CEP350: variants seen among roughly 807,000 people sequenced by gnomAD.
CEP350 encodes centrosomal protein 350.
In CEP350, 126 loss-of-function variants were observed where a neutral mutation model predicts 331.8. The observed-to-expected ratio is 0.38, with a 90% CI of 0.33 to 0.44. CEP350 has a LOEUF of 0.44. CEP350 is among the 20% of genes least tolerant of loss of function. The pLI is 1.00. For synonymous variants in CEP350, 1,200 were observed against 1,259.5 expected (o/e 0.95, Z 1.00); for missense variants, 3,406 against 3,634.6 (o/e 0.94, Z 1.62).
At chr1:180,021,161 G>A (rs1035887518) in intron 12 of CEP350, among the ~76,000 whole-genome samples, 152 bp downstream of exon 12, 1 of 152,054 alleles carries the variant, frequency 6.6e-6, no homozygotes, top group African/African-American at 2.4e-5. Context: ...TAAATTTCCT[G>A]CAAGCCTTAA....
chr1:179,992,751 T>C lies in CEP350; in HGVS notation c.395+530T>C, dbSNP rs528515502. Among the ~76,000 whole-genome samples, 3 of 152,330 alleles carry C rather than the reference T, an allele frequency of 2.0e-5. No homozygotes were observed. The South Asian group carries it at 6.2e-4, about 32-fold the overall frequency. ...GTATGAATTTTGATAGCATAGATGA[T>C]ATAAAATGCTTTGCATTTTTGTTAA... is the stretch of plus-strand genomic sequence containing the variant. On this transcript the variant is annotated intron_variant, in intron 5 of 37. Transcript: ENST00000367607.
Position 180,102,063 on chromosome 1 carries a change from C to G in CEP350, c.9189+3078C>G, listed in dbSNP as rs78049467. Among the ~76,000 whole-genome samples the G allele has an allele frequency of 1.6e-3, 249 of 152,032 alleles. 5 individuals carry two copies. The East Asian group carries it at 0.042, about 26-fold the overall frequency. ...TCTCATGGGAGGGCCTTAAGACCCA[C>G]AGTCAGAAAGGTAGGGGAACATTAG... On this transcript the variant is annotated intron_variant, in intron 37 of 37. Transcript: ENST00000367607.
chr1:180,106,428 C>T (rs1156804704), intron 37 of CEP350, among the ~76,000 whole-genome samples: 5 of 152,058 alleles, frequency 3.3e-5, no homozygotes, highest in South Asian at 2.1e-4. Context: ...ATGTTTGACC[C>T]GGGTCTTTTC....
Position 180,094,574 on chromosome 1 carries a change from T to C in CEP350, c.8469T>C (p.Asp2823=), listed in dbSNP as rs2149136803. Residue 2823 remains aspartate (D), a synonymous_variant, in exon 34 of 38, where the codon GAT becomes GAC. Transcript: ENST00000367607. ...SGCFLSSELE[D]EKEEISSPDM... ...GCTTCTTAAGTTCTGAATTGGAAGA[T>C]GAAAAAGAAGAGATTTCCTCTCCAG... The C allele has an allele frequency of 6.2e-7, 1 of 1,613,574 alleles. No individual in the cohort carries two copies. The highest frequency in any genetic ancestry group is 1.3e-5 in the African/African-American group (1 of 75,006).
chr1:179,955,702 C>T (rs1371494757), intron 1 of CEP350, among the ~76,000 whole-genome samples: 1 of 152,230 alleles, frequency 6.6e-6, no homozygotes, highest in East Asian at 1.9e-4. Flanking sequence ...TGCAGCTCAA[C>T]ATGCTAAGTA....
chr1:180,092,684 T>G lies in CEP350; in HGVS notation c.6579T>G (p.Asn2193Lys). ...TATCTGCATATGCAAAGAGAGTAAA[T>G]GAATGGGACAGTCGAACAGAAGATT... ...RSLSAYAKRV[N>K]EWDSRTEDFQ... Residue 2193 changes from asparagine (N) to lysine (K), a missense_variant, in exon 34 of 38, where the codon AAT becomes AAG. Coordinates refer to ENST00000367607, the MANE Select transcript of CEP350 (RefSeq NM_014810.5). The G allele has an allele frequency of 6.2e-7, 1 of 1,613,140 alleles. No individual in the cohort carries two copies. Among genetic ancestry groups the G allele is most frequent in the Non-Finnish European group, 8.5e-7 (1 of 1,179,520 alleles).
intron 8 of CEP350, 137 bp from the exon 9 acceptor site, chr1:180,011,790 TTA>T (rs1654676780): frequency 5.1e-6 from 3 of 592,798 alleles, no homozygotes; most frequent in Non-Finnish European, 8.6e-6. Context: ...AGGTTAGGGT[TTA>T]AAAATATCAT....
At chr1:179,997,233 A>AG (rs1382682852) in intron 6 of CEP350, 58 bp downstream of exon 6, 2 of 1,533,164 alleles carry the variant, frequency 1.3e-6, no homozygotes, top group African/African-American at 1.4e-5. Context: ...CTTTCTCCCT[A>AG]GGGTGTATTT....
intron 1 of CEP350, among the ~76,000 whole-genome samples, chr1:179,964,908 T>C (rs935602338): frequency 1.3e-5 from 2 of 152,078 alleles, no homozygotes; most frequent in Admixed American, 6.5e-5. Context: ...AATTTAGTTC[T>C]GCTCTGATCT....
intron 37 of CEP350, among the ~76,000 whole-genome samples, chr1:180,108,738 G>A (rs1326885552): frequency 6.6e-5 from 10 of 152,096 alleles, no homozygotes; most frequent in Admixed American, 5.9e-4. Context: ...ATGATTCTGT[G>A]GTCAAATAAA....
chr1:180,092,709 T>G lies in CEP350; in HGVS notation c.6604T>G (p.Phe2202Val), dbSNP rs558742001. ...VNEWDSRTED[F>V]QTPSPVLRSS... ...TGAATGGGACAGTCGAACAGAAGAT[T>G]TTCAGACCCCATCTCCAGTTCTCAG... is the stretch of plus-strand genomic sequence containing the variant. The change falls in exon 34 of 38, where the codon TTT becomes GTT. Residue 2202 changes from phenylalanine (F) to valine (V), a missense_variant. By Grantham distance (50) the Phe-to-Val change is conservative. Coordinates refer to ENST00000367607, the MANE Select transcript of CEP350 (RefSeq NM_014810.5). 149 of 1,612,204 alleles carry G rather than the reference T, an allele frequency of 9.2e-5. 2 individuals carry two copies. The South Asian group carries it at 1.5e-3, about 16-fold the overall frequency.
chr1:180,078,156 AG>A (rs1451374033), intron 28 of CEP350, among the ~76,000 whole-genome samples: 2 of 152,140 alleles, frequency 1.3e-5, no homozygotes, highest in Non-Finnish European at 2.9e-5. Flanking sequence ...ATTACATGAA[AG>A]AACAAGGACC....
intron 1 of CEP350, among the ~76,000 whole-genome samples, chr1:179,984,310 G>A (rs1652496805): frequency 6.6e-6 from 1 of 152,132 alleles, no homozygotes; most frequent in Non-Finnish European, 1.5e-5. Context: ...AGGAATTTGG[G>A]AGCAGCTCAT....
In CEP350 at chr1:180,034,836, A is replaced by G. The variant is rs1265517679; in HGVS notation, c.3946+754A>G. 4.6e-5 allele frequency among the ~76,000 whole-genome samples: 7 copies of G among 152,128 alleles called. No individual in the cohort carries two copies. The East Asian group carries it at 1.2e-3, about 25-fold the overall frequency. Reference sequence around the variant, plus strand: ...ACACAATAATATTAAAATTAGGCCAATTACTAACCCTACAATGGTCTCTAA... The same window carrying G: ...ACACAATAATATTAAAATTAGGCCAGTTACTAACCCTACAATGGTCTCTAA... On this transcript the variant is annotated intron_variant, in intron 16 of 37. Transcript: ENST00000367607.
At chr1:180,110,128 A>G (rs1379219403) in intron 37 of CEP350, among the ~76,000 whole-genome samples, 2 of 152,218 alleles carry the variant, frequency 1.3e-5, no homozygotes, top group East Asian at 3.8e-4. Flanking sequence ...TTTGAAAAAT[A>G]CCCTAAGGTT....
At chr1:180,042,930 C>G in intron 19 of CEP350, 126 bp from the exon 20 acceptor site, 2 of 950,728 alleles carry the variant, frequency 2.1e-6, no homozygotes, top group East Asian at 5.0e-5. Context: ...AGTATTTCAT[C>G]TATTAGTGGC....
In CEP350 at chr1:180,004,886, GCTTGCTTGCTTGCTTGCTTGCTTTCTTT is replaced by G. The variant is rs1047598441; in HGVS notation, c.1133-1564_1133-1537del. ...GGCAGGCTGGCTGGCTTGCTTGCTT[GCTTGCTTGCTTGCTTGCTTGCTTTCTTT>G]CTTTCTTTCTTTCTTTCTTTCTTTC... On this transcript the variant is annotated intron_variant, in intron 7 of 37. Transcript: ENST00000367607. Among the ~76,000 whole-genome samples the G allele has an allele frequency of 5.2e-4, 29 of 55,700 alleles. 1 individual carries two copies. Among genetic ancestry groups the G allele is most frequent in the African/African-American group, 1.4e-3 (26 of 18,644 alleles). 36.5% of individuals were successfully genotyped at this position (55,700 alleles called of 152,430 possible).
Position 180,040,638 on chromosome 1 carries a change from GA to G in CEP350, c.4111-490del, listed in dbSNP as rs879653523. 6.9e-3 allele frequency among the ~76,000 whole-genome samples: 962 copies of G among 138,852 alleles called. 9 individuals are homozygous for G. The highest frequency in any genetic ancestry group is 0.022 in the African/African-American group (814 of 36,344). The allele number at this position is 138,852 out of a possible 152,430, so 91.1% of individuals were successfully genotyped here. The stretch of plus-strand genomic sequence containing the variant: ...TATTTAGCAGTATTTCAAAGGAGAT[GA>G]AAAAAAAAATATATATATATATTTA... On this transcript the variant is annotated intron_variant, in intron 17 of 37. Coordinates refer to ENST00000367607, the MANE Select transcript of CEP350 (RefSeq NM_014810.5).
chr1:180,086,858 A>G (rs900058172), intron 31 of CEP350, among the ~76,000 whole-genome samples: 1 of 152,162 alleles, frequency 6.6e-6, no homozygotes, highest in Non-Finnish European at 1.5e-5. Context: ...CCATTAGTTC[A>G]TTTTATAAAT....
Sources: allele counts gnomAD v4.1 joint callset (sites outside exome capture counted in the v4.1 genomes callset), GRCh38; gene constraint gnomAD v4.1.1; transcripts MANE v1.5; gene names NCBI Gene and HGNC (gene_info 2026-07-23, HGNC 2026-07-21).